Variants in MDC1 observed in about 807,000 individuals in gnomAD.
The protein encoded by MDC1 is mediator of DNA damage checkpoint protein 1.
In MDC1, 81 loss-of-function variants were observed where a neutral mutation model predicts 142.5. That is an observed-to-expected ratio of 0.57 (90% CI 0.47 to 0.68). The LOEUF is 0.68. Among genes scored for constraint, MDC1 ranks in the 30% least tolerant of loss-of-function variants. The pLI is 0.00. For synonymous variants in MDC1, 797 were observed against 968.4 expected, an observed-to-expected ratio of 0.82 and a Z score of 3.29; for missense variants, 2,119 against 2,547.9, an observed-to-expected ratio of 0.83 and a Z score of 3.62.
Position 30,712,556 on chromosome 6 carries a change from G to C in MDC1, c.1386C>G (p.Leu462=). The change falls in exon 5 of 15, where the codon CTC becomes CTG. Residue 462 remains leucine (L), a synonymous_variant. Coordinates refer to ENST00000376406, the MANE Select transcript of MDC1 (RefSeq NM_014641.3). The surrounding 1 kb of genome is among the most constrained non-coding windows in gnomAD (Gnocchi z 4.7). The stretch of plus-strand genomic sequence containing the variant: ...GGACAGCTTCTCTATTTTCCACTGG[G>C]AGCTCTTCCTCCTCCACGTCTGTGT... ...DSDTDVEEEE[L]PVENREAVLK... 6.2e-7 allele frequency: 1 copy of C among 1,613,002 alleles called. No individual in the cohort carries two copies. The highest frequency in any genetic ancestry group is 8.5e-7 in the Non-Finnish European group (1 of 1,180,030).
In MDC1 at chr6:30,713,168, AAGC is replaced by A; in HGVS notation, c.771_773del (p.Gln257_Leu258delinsHis). 1 of 1,612,942 alleles carries A rather than the reference AAGC, an allele frequency of 6.2e-7. No homozygotes were observed. Among genetic ancestry groups the A allele is most frequent in the Non-Finnish European group, 8.5e-7 (1 of 1,179,910 alleles). Reference sequence around the variant, plus strand: ...CCTTCACTAAAGGCTGATCCTTTTCAAGCTGGATTTCAGTTACAACTTCAGCTT... The same window carrying A: ...CCTTCACTAAAGGCTGATCCTTTTCATGGATTTCAGTTACAACTTCAGCTT... On this transcript the variant is annotated inframe_deletion, in exon 5 of 15. Coordinates refer to ENST00000376406, the MANE Select transcript of MDC1 (RefSeq NM_014641.3). The surrounding 1 kb of genome is among the most constrained non-coding windows in gnomAD (Gnocchi z 4.9).
In MDC1 at chr6:30,713,910, A is replaced by G; in HGVS notation, c.410T>C (p.Leu137Pro). Residue 137 changes from leucine to proline, a missense_variant, in exon 3 of 15, where the codon CTG becomes CCG. Physicochemically the swap from Leu to Pro is moderately conservative, Grantham distance 98 (BLOSUM62 -3). Transcript: ENST00000376406. The surrounding 1 kb of genome is among the most constrained non-coding windows in gnomAD (Gnocchi z 4.9). ...CAGAGGGCCCCGGGAGACAAAGGGCAGAGAGACATCCAGGCGATGGTACTG... is the reference window on the plus strand; with the variant it reads ...CAGAGGGCCCCGGGAGACAAAGGGCGGAGAGACATCCAGGCGATGGTACTG... ...LCQYHRLDVSLPFVSRGPLTV... is the reference protein window; with the variant it reads ...LCQYHRLDVSPPFVSRGPLTV... The G allele has an allele frequency of 6.2e-7, 1 of 1,613,706 alleles. No homozygotes were observed.
At chr6:30,701,079 GAAAAAAAAAAAGA>G (rs1282688339) in intron 14 of MDC1, among the ~76,000 whole-genome samples, 4 of 80,282 alleles carry the variant, frequency 5.0e-5, no homozygotes, top group African/African-American at 1.0e-4. Context: ...CATCTCAAAA[GAAAAAAAAAAAGA>G]AAAAAAAAAA....
Position 30,700,543 on chromosome 6 carries a change from G to A in MDC1, c.6192C>T (p.Phe2064=), listed in dbSNP as rs905194097. Residue 2064 remains phenylalanine, a synonymous_variant, in exon 15 of 15, where the codon TTC becomes TTT. Coordinates refer to ENST00000376406, the MANE Select transcript of MDC1 (RefSeq NM_014641.3). ...CCTGCTTCAGCACTCCAGTCAGCAG[G>A]AACTCAGGCGAGAGGAGGGGCAGCC... ...RVGLPLLSPE[F]LLTGVLKQEA... The A allele has an allele frequency of 6.2e-7, 1 of 1,612,982 alleles. No individual in the cohort carries two copies. The highest frequency in any genetic ancestry group is 8.5e-7 in the Non-Finnish European group (1 of 1,180,004).
chr6:30,702,096 A>G (rs1264288707), intron 14 of MDC1, among the ~76,000 whole-genome samples: 1 of 151,452 alleles, frequency 6.6e-6, no homozygotes, highest in African/African-American at 2.4e-5. Context: ...CCCCATCTCT[A>G]CTAAAAATAC....
At position 30,705,204 on chromosome 6, in the gene MDC1, G is replaced by A; in HGVS notation, c.3979C>T (p.Pro1327Ser). ...GAAATCTGGAGCTCAGGGGCTGTGG[G>A]GACAACTGTTTCAGGGGTCTTGACA... is the stretch of plus-strand genomic sequence containing the variant. ...SSVKTPETVVPTAPELQISTS... is the reference protein window; with the variant it reads ...SSVKTPETVVSTAPELQISTS... Residue 1327 changes from proline (P) to serine (S), a missense_variant, in exon 10 of 15, where the codon CCC becomes TCC. By Grantham distance (74) the Pro-to-Ser change is moderately conservative (BLOSUM62 -1). Transcript: ENST00000376406. 1.3e-6 allele frequency: 2 copies of A among 1,592,692 alleles called. No individual in the cohort carries two copies. The highest frequency in any genetic ancestry group is 1.7e-6 in the Non-Finnish European group (2 of 1,170,604).
In MDC1 at chr6:30,704,235, G is replaced by A. The variant is rs767942235; in HGVS notation, c.4948C>T (p.Pro1650Ser). 2 of 1,613,776 alleles carry A rather than the reference G, an allele frequency of 1.2e-6. No individual in the cohort carries two copies. The highest frequency in any genetic ancestry group is 1.7e-6 in the Non-Finnish European group (2 of 1,179,818). ...RKTNRSSVKTPKPVEPAASDL... is the reference protein window; with the variant it reads ...RKTNRSSVKTSKPVEPAASDL... Reference sequence around the variant, plus strand: ...GAGGCTGCTGGTTCAACTGGTTTGGGAGTCTTGACAGAGGACCTATTTGTC... The same window carrying A: ...GAGGCTGCTGGTTCAACTGGTTTGGAAGTCTTGACAGAGGACCTATTTGTC... Residue 1650 changes from proline (P) to serine (S), a missense_variant, in exon 10 of 15, where the codon CCC (proline) becomes TCC (serine). Physicochemically the swap from Pro to Ser is moderately conservative, Grantham distance 74. Coordinates refer to ENST00000376406, the MANE Select transcript of MDC1 (RefSeq NM_014641.3).
At chr6:30,708,422 A>G in intron 7 of MDC1, 65 bp from the exon 8 acceptor site, 3 of 1,263,334 alleles carry the variant, frequency 2.4e-6, no homozygotes, top group South Asian at 2.5e-5. Context: ...GGAAGAGGGA[A>G]AGGGAAGTAC....
chr6:30,708,013 TCCC>T lies in MDC1; in HGVS notation c.2563_2565del (p.Gly855del). ...AACTGTTTTTGTTCTCTGTCCTGTT[TCCC>T]CTTGGTTAATTCTTCCTCTCCTGTC... On this transcript the variant is annotated inframe_deletion, in exon 8 of 15. Coordinates refer to ENST00000376406, the MANE Select transcript of MDC1 (RefSeq NM_014641.3). 6.2e-7 allele frequency: 1 copy of T among 1,613,118 alleles called. No individual in the cohort carries two copies. The highest frequency in any genetic ancestry group is 8.5e-7 in the Non-Finnish European group (1 of 1,180,044).
At chr6:30,708,900 A>G (rs909868966) in intron 7 of MDC1, among the ~76,000 whole-genome samples, 1 of 151,528 alleles carries the variant, frequency 6.6e-6, no homozygotes, top group African/African-American at 2.4e-5. Context: ...GAAAAACATC[A>G]TAGCCTAATA....
chr6:30,704,916 G>C lies in MDC1; in HGVS notation c.4267C>G (p.Pro1423Ala). The C allele has an allele frequency of 6.2e-7, 1 of 1,605,680 alleles. No individual in the cohort carries two copies. ...KLEPSTSTDQPVTPEPTSQAT... is the reference protein window; with the variant it reads ...KLEPSTSTDQAVTPEPTSQAT... ...TGAGATGTGGGCTCAGGAGTGACAG[G>C]TTGGTCTGTGGAAGTGGAAGGCTCG... Residue 1423 changes from proline to alanine, a missense_variant, in exon 10 of 15, where the codon CCT becomes GCT. Pro to Ala is a conservative substitution (Grantham distance 27). Transcript: ENST00000376406.
rs199737305 is a variant in MDC1, at chr6:30,705,119, G to A, written c.4064C>T (p.Thr1355Ile). ...KPTSRTTRSR[T>I]NMSSVKNPES... The stretch of plus-strand genomic sequence containing the variant: ...AGGGTTCTTCACAGAGGACATATTT[G>A]TCCTGCTCCTAGTGGTCCGAGATGT... Residue 1355 changes from threonine (T) to isoleucine (I), a missense_variant, in exon 10 of 15, where the codon ACA (threonine) becomes ATA (isoleucine). By Grantham distance (89) the Thr-to-Ile change is moderately conservative. Coordinates refer to ENST00000376406, the MANE Select transcript of MDC1 (RefSeq NM_014641.3). 6.2e-7 allele frequency: 1 copy of A among 1,610,634 alleles called. No individual in the cohort carries two copies. Among genetic ancestry groups the A allele is most frequent in the Non-Finnish European group, 8.5e-7 (1 of 1,179,202 alleles).
In MDC1 at chr6:30,713,792, T is replaced by C. The variant is rs1455714334; in HGVS notation, c.517+11A>G. 8 of 1,613,824 alleles carry C rather than the reference T, an allele frequency of 5.0e-6. No homozygotes were observed. The highest frequency in any genetic ancestry group is 6.8e-6 in the Non-Finnish European group (8 of 1,179,740). Reference sequence around the variant, plus strand: ...TGTCTCCTCATTCTCCCTGCCAATATACAAACTTACCTACTTCCTCCTCCG... The same window carrying C: ...TGTCTCCTCATTCTCCCTGCCAATACACAAACTTACCTACTTCCTCCTCCG... On this transcript the variant is annotated intron_variant, in intron 3 of 14. Coordinates refer to ENST00000376406, the MANE Select transcript of MDC1 (RefSeq NM_014641.3). This position sits in a 1 kb window ranked among gnomAD's most constrained non-coding sequence, Gnocchi z 4.9.
chr6:30,708,873 A>C (rs1406695574), intron 7 of MDC1, among the ~76,000 whole-genome samples: 3 of 151,410 alleles, frequency 2.0e-5, no homozygotes, highest in East Asian at 3.9e-4. Flanking sequence ...AAAAAAAAAA[A>C]AAACCCAAGA....
chr6:30,707,697 T>A lies in MDC1; in HGVS notation c.2882A>T (p.Gln961Leu). 6.2e-7 allele frequency: 1 copy of A among 1,613,102 alleles called. No homozygotes were observed. The highest frequency in any genetic ancestry group is 8.5e-7 in the Non-Finnish European group (1 of 1,180,028). Residue 961 changes from glutamine (Q) to leucine (L), a missense_variant, in exon 8 of 15, where the codon CAG (glutamine) becomes CTG (leucine). By Grantham distance (113) the Gln-to-Leu change is moderately radical (BLOSUM62 -2). Coordinates refer to ENST00000376406, the MANE Select transcript of MDC1 (RefSeq NM_014641.3). ...PEGGSQDQKG[Q>L]ASSPTPEPGV... ...AGGCTCTGGTGTTGGGCTGGAGGCC[T>A]GCCCTTTCTGGTCCTGGCTCCCTCC... is the stretch of plus-strand genomic sequence containing the variant.
At position 30,714,152 on chromosome 6, in the gene MDC1, T is replaced by C; in HGVS notation, c.168A>G (p.Val56=). The change falls in exon 3 of 15, where the codon GTA becomes GTG. Residue 56 remains valine (V), a synonymous_variant. Transcript: ENST00000376406. Reference sequence around the variant, plus strand: ...CCACAGAGCAGTCAGGCATTCGGCCTACCACATTCTTCCCGAGGTGTAGTG... The same window carrying C: ...CCACAGAGCAGTCAGGCATTCGGCCCACCACATTCTTCCCGAGGTGTAGTG... ...DFPLHLGKNV[V]GRMPDCSVAL... is the part of the protein sequence containing the mutation. 6.2e-7 allele frequency: 1 copy of C among 1,610,948 alleles called. No homozygotes were observed. Among genetic ancestry groups the C allele is most frequent in the Non-Finnish European group, 8.5e-7 (1 of 1,179,914 alleles).
At chr6:30,710,091 T>C (rs1774590222) in intron 7 of MDC1, among the ~76,000 whole-genome samples, 1 of 150,774 alleles carries the variant, frequency 6.6e-6, no homozygotes, top group African/African-American at 2.4e-5. Context: ...ACACATTTTC[T>C]TTTTTTTTAT....
At position 30,702,686 on chromosome 6, in the gene MDC1, A is replaced by G. The variant is rs185844166; in HGVS notation, c.5992-23T>C. On this transcript the variant is annotated intron_variant, in intron 13 of 14. Coordinates refer to ENST00000376406, the MANE Select transcript of MDC1 (RefSeq NM_014641.3). ...GCCCTAAGAGAAAGAAATGATGGAG[A>G]TGGTATTGTAGATTGGGAAGCACTG... The G allele has an allele frequency of 3.5e-5, 57 of 1,611,622 alleles. No homozygotes were observed. The East Asian group carries it at 1.2e-3, about 33-fold the overall frequency.
rs116182842 is a variant in MDC1 at position 30,700,670 on chromosome 6, A to G, written c.6103-38T>C. ...GAGCAAAGGCAAAATCAGGTGAAAAAGAATCCTAGAAATGGGTTCAGGACC... is the reference window on the plus strand; with the variant it reads ...GAGCAAAGGCAAAATCAGGTGAAAAGGAATCCTAGAAATGGGTTCAGGACC... On this transcript the variant is annotated intron_variant, in intron 14 of 14. Coordinates refer to ENST00000376406, the MANE Select transcript of MDC1 (RefSeq NM_014641.3). 7.8e-3 allele frequency: 12,608 copies of G among 1,608,398 alleles called. 296 individuals carry two copies. The highest frequency in any genetic ancestry group is 0.072 in the East Asian group (3,233 of 44,820).
Sources: allele counts gnomAD v4.1 joint callset (sites outside exome capture counted in the v4.1 genomes callset), GRCh38; gene constraint gnomAD v4.1.1; non-coding constraint Gnocchi (gnomAD v3.1); transcripts MANE v1.5; gene names NCBI Gene and HGNC (gene_info 2026-07-23, HGNC 2026-07-21).